The following PRKCE variants were observed in gnomAD, a reference collection of about 807,000 sequenced individuals.
PRKCE encodes protein kinase C epsilon type.
Under a neutral mutation model 85.4 loss-of-function variants are expected in PRKCE, and 16 were observed. That is an observed-to-expected ratio of 0.19 (90% CI 0.13 to 0.28). The LOEUF (loss-of-function observed/expected upper bound fraction) is 0.28, where lower values mean the gene tolerates loss of function less well. PRKCE is among the 10% of genes least tolerant of loss of function. The probability of loss-of-function intolerance (pLI) is 1.00; values close to 1 mark genes in which losing one functional copy is unlikely to be tolerated. For missense variants in PRKCE, 573 were observed against 975.2 expected (o/e 0.59, Z 5.49); for synonymous variants, 388 against 371.5 (o/e 1.04, Z -0.51).
At chr2:46,036,025 G>A (rs956478762) in intron 10 of PRKCE, among the ~76,000 whole-genome samples, 1 of 152,230 alleles carries the variant, frequency 6.6e-6, no homozygotes, top group Non-Finnish European at 1.5e-5. Context: ...GTAATCCAGG[G>A]TGGTCTCTGA....
intron 1 of PRKCE, among the ~76,000 whole-genome samples, chr2:45,817,066 A>AGTGTGTGTGTGTGTGTGTGT (rs200785601): frequency 9.6e-5 from 13 of 135,788 alleles, no homozygotes; most frequent in Non-Finnish European, 1.7e-4. Flanking sequence ...CTGTAAGTAG[A>AGTGTGTGTGTGTGTGTGTGT]GTGTGTGTGT....
intron 11 of PRKCE, among the ~76,000 whole-genome samples, chr2:46,107,331 T>A (rs1198117380): frequency 6.6e-6 from 1 of 152,192 alleles, no homozygotes; most frequent in Non-Finnish European, 1.5e-5. Flanking sequence ...GCTTGACAGC[T>A]CATTTCTTCT....
chr2:46,062,765 C>T (rs931245072), intron 10 of PRKCE, among the ~76,000 whole-genome samples: 4 of 150,802 alleles, frequency 2.7e-5, no homozygotes, highest in East Asian at 2.0e-4. Context: ...CCTCCGCCTC[C>T]GGGGTTCAAG....
intron 1 of PRKCE, among the ~76,000 whole-genome samples, chr2:45,711,541 C>A (rs966749313): frequency 6.6e-5 from 10 of 152,178 alleles, no homozygotes; most frequent in African/African-American, 2.4e-4. Flanking sequence ...GTGCCTGGTG[C>A]CTAGCAAATA....
chr2:45,933,172 C>T lies in PRKCE; in HGVS notation c.413-43257C>T, dbSNP rs569301995. Among the ~76,000 whole-genome samples, 4 of 152,196 alleles carry T rather than the reference C, an allele frequency of 2.6e-5. No homozygotes were observed. The East Asian group carries it at 7.7e-4, about 29-fold the overall frequency. Reference sequence around the variant, plus strand: ...TTTGCCCATTTTTCTATTGGGTTGTCTGCTTTAAAAAAGATGATTTTTAGA... The same window carrying T: ...TTTGCCCATTTTTCTATTGGGTTGTTTGCTTTAAAAAAGATGATTTTTAGA... On this transcript the variant is annotated intron_variant, in intron 2 of 14. Transcript: ENST00000306156.
intron 1 of PRKCE, among the ~76,000 whole-genome samples, chr2:45,715,622 A>C (rs1558588108): frequency 6.6e-6 from 1 of 152,228 alleles, no homozygotes; most frequent in Non-Finnish European, 1.5e-5. Context: ...TCTACAGGGT[A>C]GTCTATTCTA....
intron 10 of PRKCE, among the ~76,000 whole-genome samples, chr2:46,079,820 A>G (rs1668902891): frequency 6.6e-6 from 1 of 152,248 alleles, no homozygotes; most frequent in Non-Finnish European, 1.5e-5. Context: ...CTTCAAAGAC[A>G]GGAAAGATTA....
intron 2 of PRKCE, among the ~76,000 whole-genome samples, chr2:45,935,118 G>C (rs1422302997): frequency 1.3e-5 from 2 of 151,632 alleles, no homozygotes; most frequent in Non-Finnish European, 2.9e-5. Flanking sequence ...GGAAATCATA[G>C]ATAATGTTTG....
At chr2:45,860,459 C>A (rs144902489) in intron 2 of PRKCE, among the ~76,000 whole-genome samples, 2 of 152,340 alleles carry the variant, frequency 1.3e-5, no homozygotes, top group Non-Finnish European at 2.9e-5. Context: ...TGGCACTCCT[C>A]TGAAGGCAGA....
chr2:46,021,890 G>A lies in PRKCE; in HGVS notation c.1437+11373G>A, dbSNP rs146528504. Among the ~76,000 whole-genome samples the A allele has an allele frequency of 4.6e-5, 7 of 152,276 alleles. No individual in the cohort carries two copies. In the East Asian group the frequency reaches 1.4e-3, roughly 29 times the overall value. On this transcript the variant is annotated intron_variant, in intron 10 of 14. Transcript: ENST00000306156. ...TGAATTTTGATAGTGGTCTGGTGGT[G>A]TTTTCTACAGGGAAAGTCATCTGGG...
chr2:45,885,318 G>A (rs1206413055), intron 2 of PRKCE, among the ~76,000 whole-genome samples: 1 of 152,040 alleles, frequency 6.6e-6, no homozygotes, highest in Non-Finnish European at 1.5e-5. Context: ...TGGAGGGAAG[G>A]GACCTGACAA....
chr2:46,006,766 A>G (rs1574202212), intron 8 of PRKCE, among the ~76,000 whole-genome samples: 1 of 152,260 alleles, frequency 6.6e-6, no homozygotes. Flanking sequence ...AGAGCGGGGC[A>G]CAAGACTGTC....
chr2:46,040,804 A>G (rs1446681784), intron 10 of PRKCE, among the ~76,000 whole-genome samples: 1 of 152,248 alleles, frequency 6.6e-6, no homozygotes, highest in Non-Finnish European at 1.5e-5. Context: ...AAGACTTACT[A>G]AGATTTCATC....
At position 46,014,905 on chromosome 2, in the gene PRKCE, C is replaced by G. The variant is rs983630515; in HGVS notation, c.1437+4388C>G. ...TCTCATTTGTATTATTTTTCCAATG[C>G]TTGAACTCCCAACCAATGCTATCTC... On this transcript the variant is annotated intron_variant, in intron 10 of 14. Coordinates refer to ENST00000306156, the MANE Select transcript of PRKCE (RefSeq NM_005400.3). Among the ~76,000 whole-genome samples the G allele has an allele frequency of 5.3e-5, 8 of 152,158 alleles. No homozygotes were observed. The South Asian group carries it at 1.7e-3, about 32-fold the overall frequency.
At chr2:45,918,086 C>T (rs950690024) in intron 2 of PRKCE, among the ~76,000 whole-genome samples, 1 of 152,214 alleles carries the variant, frequency 6.6e-6, no homozygotes, top group Non-Finnish European at 1.5e-5. Context: ...CTGAGGGAGC[C>T]GGCTCCGGCC....
At chr2:45,918,442 A>G (rs994648673) in intron 2 of PRKCE, among the ~76,000 whole-genome samples, 1 of 152,232 alleles carries the variant, frequency 6.6e-6, no homozygotes, top group Non-Finnish European at 1.5e-5. Context: ...TTTATCAACA[A>G]TACATATTTA....
chr2:45,971,045 G>A (rs949819667), intron 2 of PRKCE, among the ~76,000 whole-genome samples: 2 of 151,872 alleles, frequency 1.3e-5, no homozygotes, highest in Non-Finnish European at 2.9e-5. Flanking sequence ...TAAGATGTAC[G>A]CTTTCAGCAA....
chr2:46,131,255 C>T (rs565521357), intron 11 of PRKCE, among the ~76,000 whole-genome samples: 3 of 152,270 alleles, frequency 2.0e-5, no homozygotes, highest in African/African-American at 7.2e-5. Context: ...TTCAGGAGGG[C>T]CCTGGAGAGG....
chr2:46,013,888 A>C (rs1323363153), intron 10 of PRKCE, among the ~76,000 whole-genome samples: 7 of 152,206 alleles, frequency 4.6e-5, no homozygotes, highest in South Asian at 2.1e-4. Flanking sequence ...AAGACTCAGA[A>C]GTGTGTAAAG....
Sources: gnomAD v4.1 joint callset for allele counts (sites outside exome capture counted in the v4.1 genomes callset) on GRCh38, gnomAD v4.1.1 for gene constraint, MANE v1.5 for transcripts, NCBI Gene and HGNC (gene_info 2026-07-23, HGNC 2026-07-21) for gene names.